WDR45B: variants seen among roughly 807,000 people sequenced by gnomAD.
The protein encoded by WDR45B is WD repeat domain phosphoinositide-interacting protein 3.
Under a neutral mutation model 44.6 loss-of-function variants are expected in WDR45B, and 20 were observed. The ratio of observed to expected loss-of-function variants is 0.45; its 90% CI spans 0.32 to 0.65. The LOEUF (loss-of-function observed/expected upper bound fraction) is 0.65. Ranked by LOEUF, WDR45B falls within the 30% of genes least tolerant of loss-of-function variation. The pLI, the probability that WDR45B is intolerant of heterozygous loss-of-function variation, is 0.05. For synonymous variants in WDR45B, 169 were observed against 164.9 expected (o/e 1.02, Z -0.19); for missense variants, 323 against 430.2 (o/e 0.75, Z 2.20).
chr17:82,647,317 A>G (rs2045991286), intron 1 of WDR45B, among the ~76,000 whole-genome samples: 1 of 152,220 alleles, frequency 6.6e-6, no homozygotes, highest in Non-Finnish European at 1.5e-5. Flanking sequence ...CAAAGCCAAC[A>G]TGTAAAGCCT....
In WDR45B at chr17:82,621,594, G is replaced by A. The variant is rs1265970784; in HGVS notation, c.618+15C>T. On this transcript the variant is annotated intron_variant, in intron 6 of 9. Coordinates refer to ENST00000392325, the MANE Select transcript of WDR45B (RefSeq NM_019613.4). ...CCAGGAGGCACAACACCAACAAGGT[G>A]AGTGGCACACTTACTTTCTCGGATG... 1.2e-6 allele frequency: 2 copies of A among 1,614,004 alleles called. No homozygotes were observed. The highest frequency in any genetic ancestry group is 3.3e-5 in the Admixed American group (2 of 60,024).
chr17:82,634,097 G>T (rs1209737972), intron 2 of WDR45B, among the ~76,000 whole-genome samples: 1 of 130,914 alleles, frequency 7.6e-6, no homozygotes, highest in Non-Finnish European at 1.6e-5. Flanking sequence ...GTTGCAGTGA[G>T]CCGAGATTGT....
At chr17:82,626,439 G>A (rs548440133) in intron 4 of WDR45B, among the ~76,000 whole-genome samples, 2 of 147,396 alleles carry the variant, frequency 1.4e-5, no homozygotes, top group African/African-American at 5.1e-5. Flanking sequence ...GGAGGCTGAG[G>A]CAGGAATTGC....
rs1459031483 is a variant in WDR45B, at chr17:82,615,680, G to C, written c.*239C>G. On this transcript the variant is annotated 3_prime_UTR_variant, in exon 10 of 10. Coordinates refer to ENST00000392325, the MANE Select transcript of WDR45B (RefSeq NM_019613.4). The stretch of plus-strand genomic sequence containing the variant: ...ACAGCTGAACTCATGGGAACAGCCA[G>C]TGGCCGCCAGTCGAGCTGGTCACAG... 1.1e-5 allele frequency: 6 copies of C among 550,104 alleles called. No individual in the cohort carries two copies. The East Asian group carries it at 1.9e-4, about 17-fold the overall frequency. 34.1% of individuals were successfully genotyped at this position (550,104 alleles called of 1,614,324 possible). A position where few individuals can be genotyped will look rare whatever the true frequency, so the allele number is the denominator to read the frequency against.
chr17:82,631,902 G>C (rs913852286), intron 2 of WDR45B, among the ~76,000 whole-genome samples: 8 of 151,786 alleles, frequency 5.3e-5, no homozygotes, highest in Non-Finnish European at 8.8e-5. Context: ...GGCCAACATG[G>C]TGAAACGCTG....
chr17:82,630,240 T>C (rs1194226621), intron 3 of WDR45B, among the ~76,000 whole-genome samples: 1 of 152,048 alleles, frequency 6.6e-6, no homozygotes, highest in Non-Finnish European at 1.5e-5. Context: ...GGCATCTCCT[T>C]CCTGGCCACA....
At chr17:82,641,205 A>AATC (rs2045910765) in intron 2 of WDR45B, among the ~76,000 whole-genome samples, 1 of 151,894 alleles carries the variant, frequency 6.6e-6, no homozygotes, top group African/African-American at 2.4e-5. Flanking sequence ...GAGCTCAGGC[A>AATC]ATCTGCTCGC....
intron 2 of WDR45B, among the ~76,000 whole-genome samples, chr17:82,635,426 G>GTTT (rs35735710): frequency 0.064 from 8,676 of 135,552 alleles, 384 homozygotes; most frequent in East Asian, 0.11. Flanking sequence ...GTCTTTTCAG[G>GTTT]TTTTTTTTTT....
chr17:82,625,555 A>G (rs1389901403), intron 4 of WDR45B, 72 bp from the exon 5 acceptor site: 1 of 1,354,550 alleles, frequency 7.4e-7, no homozygotes, highest in African/African-American at 1.4e-5. Context: ...TCCTGTTCTT[A>G]TCATACTGAA....
intron 6 of WDR45B, among the ~76,000 whole-genome samples, chr17:82,619,873 G>T (rs112772071): frequency 6.6e-6 from 1 of 152,192 alleles, no homozygotes; most frequent in Non-Finnish European, 1.5e-5. Flanking sequence ...GCACGGGATG[G>T]GTCACAGATG....
chr17:82,617,563 G>A (rs2045553675), intron 7 of WDR45B, 166 bp from the exon 8 acceptor site: 2 of 706,308 alleles, frequency 2.8e-6, no homozygotes, highest in Admixed American at 2.1e-5. Flanking sequence ...CATCCCCACA[G>A]CACCACAGGT....
chr17:82,624,479 C>T (rs750043105), intron 5 of WDR45B, among the ~76,000 whole-genome samples: 16 of 152,324 alleles, frequency 1.1e-4, no homozygotes, highest in Non-Finnish European at 2.2e-4. Context: ...CCAGGATGCT[C>T]TCTATCTCCT....
intron 6 of WDR45B, 134 bp downstream of exon 6, chr17:82,621,475 G>C (rs962039378): frequency 8.8e-7 from 1 of 1,131,876 alleles, no homozygotes; most frequent in Non-Finnish European, 1.3e-6. Flanking sequence ...TGACCAGCCA[G>C]GTCCACAGGC....
At chr17:82,621,512 G>A in intron 6 of WDR45B, 97 bp downstream of exon 6, 1 of 1,528,290 alleles carries the variant, frequency 6.5e-7, no homozygotes, top group Non-Finnish European at 9.0e-7. Flanking sequence ...GTTGGGGCAG[G>A]CCCACTGCCT....
At chr17:82,618,035 C>G (rs1299380675) in intron 7 of WDR45B, among the ~76,000 whole-genome samples, 3 of 151,904 alleles carry the variant, frequency 2.0e-5, no homozygotes, top group Non-Finnish European at 4.4e-5. Context: ...TTCAAGCGAT[C>G]CTCCTGCCTC....
intron 2 of WDR45B, among the ~76,000 whole-genome samples, chr17:82,636,278 A>AAG (rs2045831878): frequency 6.7e-6 from 1 of 150,242 alleles, no homozygotes; most frequent in African/African-American, 2.5e-5. Context: ...AAAAAAAAAA[A>AAG]AGAAGACAAA....
intron 5 of WDR45B, among the ~76,000 whole-genome samples, chr17:82,622,523 C>T (rs531249332): frequency 4.6e-5 from 7 of 152,292 alleles, no homozygotes; most frequent in Admixed American, 3.9e-4. Flanking sequence ...AGCTCCGCCT[C>T]CCAGGTTCAC....
chr17:82,628,412 G>A (rs2045726021), intron 3 of WDR45B, among the ~76,000 whole-genome samples: 1 of 151,492 alleles, frequency 6.6e-6, no homozygotes, highest in South Asian at 2.1e-4. Flanking sequence ...AAGCTTTAGG[G>A]ATGAGAATGC....
intron 1 of WDR45B, chr17:82,644,402 G>A: frequency 3.1e-6 from 1 of 318,254 alleles, no homozygotes; most frequent in Non-Finnish European, 6.1e-6. Flanking sequence ...GGAAGGGCAG[G>A]GTGCTGGGGA....
Sources: gnomAD v4.1 joint callset for allele counts (sites outside exome capture counted in the v4.1 genomes callset) on GRCh38, gnomAD v4.1.1 for gene constraint, MANE v1.5 for transcripts, NCBI Gene and HGNC (gene_info 2026-07-23, HGNC 2026-07-21) for gene names.